Variants in RANBP3 observed in about 807,000 individuals in gnomAD.
RANBP3 encodes ran-binding protein 3.
A neutral mutation model predicts 77.3 loss-of-function variants in RANBP3; 14 were observed. The ratio of observed to expected loss-of-function variants is 0.18; its 90% CI spans 0.12 to 0.28. The LOEUF (loss-of-function observed/expected upper bound fraction) is 0.28, where lower values mean the gene tolerates loss of function less well. Among genes scored for constraint, RANBP3 ranks in the 10% least tolerant of loss-of-function variants. The pLI, the probability that RANBP3 is intolerant of heterozygous loss-of-function variation, is 1.00. For missense variants in RANBP3, 586 were observed against 752.3 expected (o/e 0.78, Z 2.59); for synonymous variants, 315 against 312.4 (o/e 1.01, Z -0.09).
intron 1 of RANBP3, among the ~76,000 whole-genome samples, chr19:5,962,909 A>G (rs2058421905): frequency 6.6e-6 from 1 of 152,118 alleles, no homozygotes; most frequent in Non-Finnish European, 1.5e-5. Flanking sequence ...GATTCTGGCT[A>G]TACCAGTGAG....
chr19:5,925,362 T>C, intron 10 of RANBP3: 1 of 553,120 alleles, frequency 1.8e-6, no homozygotes, highest in South Asian at 2.0e-5. Context: ...GAGGGCACAC[T>C]CCAAGGGCTG....
intron 6 of RANBP3, 32 bp from the exon 7 acceptor site, chr19:5,932,576 G>T (rs79849221): frequency 6.3e-7 from 1 of 1,578,452 alleles, no homozygotes; most frequent in Admixed American, 1.7e-5. Context: ...CCCAGTGCCC[G>T]TGGACCCCTG....
intron 1 of RANBP3, among the ~76,000 whole-genome samples, chr19:5,977,728 C>G (rs1440339503): frequency 6.6e-6 from 1 of 152,212 alleles, no homozygotes; most frequent in Non-Finnish European, 1.5e-5. Context: ...TATTTACATC[C>G]GTGGCCGAAG....
At chr19:5,925,045 G>A (rs2057884122) in intron 10 of RANBP3, 140 bp from the exon 11 acceptor site, 2 of 774,202 alleles carry the variant, frequency 2.6e-6, no homozygotes, top group African/African-American at 1.7e-5. Context: ...TGGCGTGTCA[G>A]AGGCAGGAAG....
At chr19:5,929,583 G>T (rs1296117183) in intron 8 of RANBP3, among the ~76,000 whole-genome samples, 1 of 152,250 alleles carries the variant, frequency 6.6e-6, no homozygotes, top group Admixed American at 6.5e-5. Flanking sequence ...CTCTGTGTGT[G>T]TGTGGGGCGG....
Position 5,928,090 on chromosome 19 carries a change from A to T in RANBP3, c.694-3T>A. ...TCATTTTTCTGGGGCTCTTTCTCCT[A>T]TCAAAAACCAAAACAAAACAGAGTA... is the stretch of plus-strand genomic sequence containing the variant. On this transcript the variant is annotated splice_region_variant and splice_polypyrimidine_tract_variant and intron_variant, in intron 8 of 16. Transcript: ENST00000340578. 6.2e-7 allele frequency: 1 copy of T among 1,606,324 alleles called. No individual in the cohort carries two copies. The highest frequency in any genetic ancestry group is 8.5e-7 in the Non-Finnish European group (1 of 1,177,804).
intron 1 of RANBP3, among the ~76,000 whole-genome samples, chr19:5,973,380 G>A (rs2058552196): frequency 6.6e-6 from 1 of 152,152 alleles, no homozygotes; most frequent in Non-Finnish European, 1.5e-5. Flanking sequence ...TGCCCCCGGG[G>A]GGACACTGGG....
chr19:5,968,279 C>G lies in RANBP3; in HGVS notation c.22+9782G>C, dbSNP rs757512190. 2.0e-5 allele frequency among the ~76,000 whole-genome samples: 3 copies of G among 152,292 alleles called. No individual in the cohort carries two copies. In the East Asian group the frequency reaches 5.8e-4, roughly 29 times the overall value. ...GAGCAAAACTGATGATACTGGAGAGCGCGGGCTCTGGTCTTTGTGTGTGTT... is the reference window on the plus strand; with the variant it reads ...GAGCAAAACTGATGATACTGGAGAGGGCGGGCTCTGGTCTTTGTGTGTGTT... On this transcript the variant is annotated intron_variant, in intron 1 of 16. Coordinates refer to ENST00000340578, the MANE Select transcript of RANBP3 (RefSeq NM_007322.3).
intron 1 of RANBP3, among the ~76,000 whole-genome samples, chr19:5,967,910 G>T (rs993206877): frequency 6.6e-6 from 1 of 152,076 alleles, no homozygotes; most frequent in Non-Finnish European, 1.5e-5. Context: ...CCAGCTACTC[G>T]GGAGGCTGAG....
chr19:5,917,693 C>T (rs1296265325), intron 16 of RANBP3, 40 bp from the exon 17 acceptor site: 2 of 1,599,028 alleles, frequency 1.3e-6, no homozygotes, highest in Non-Finnish European at 8.5e-7. Flanking sequence ...ATGGAGCCCG[C>T]ACTTCCCAGG....
At chr19:5,954,333 T>A (rs781125535) in intron 2 of RANBP3, among the ~76,000 whole-genome samples, 1 of 152,138 alleles carries the variant, frequency 6.6e-6, no homozygotes, top group African/African-American at 2.4e-5. Flanking sequence ...ATAAGTGACA[T>A]CTGAGGGGCA....
intron 1 of RANBP3, among the ~76,000 whole-genome samples, chr19:5,971,538 A>G (rs1413996198): frequency 1.3e-5 from 2 of 152,092 alleles, no homozygotes; most frequent in African/African-American, 2.4e-5. Context: ...AAAAAACTCC[A>G]CTGTCCATTT....
chr19:5,946,468 C>T (rs2058206466), intron 3 of RANBP3, among the ~76,000 whole-genome samples: 1 of 152,176 alleles, frequency 6.6e-6, no homozygotes, highest in Admixed American at 6.5e-5. Context: ...AGTGGGGGGC[C>T]TCTTGGTCCT....
At position 5,917,395 on chromosome 19, in the gene RANBP3, G is replaced by A. The variant is rs1287549133; in HGVS notation, c.*215C>T. On this transcript the variant is annotated 3_prime_UTR_variant, in exon 17 of 17. Coordinates refer to ENST00000340578, the MANE Select transcript of RANBP3 (RefSeq NM_007322.3). The stretch of plus-strand genomic sequence containing the variant: ...AGGGAGGAAATGTTCTTGTTTGTTC[G>A]CTCATCAATATGATGAGGTCTCGTG... 5.6e-6 allele frequency: 3 copies of A among 532,526 alleles called. No homozygotes were observed. The highest frequency in any genetic ancestry group is 2.7e-5 in the South Asian group (1 of 36,846). The allele number at this position is 532,526 out of a possible 1,614,324, so 33.0% of individuals were successfully genotyped here.
intron 2 of RANBP3, among the ~76,000 whole-genome samples, chr19:5,953,803 G>A (rs560514076): frequency 1.3e-5 from 2 of 152,330 alleles, no homozygotes; most frequent in South Asian, 2.1e-4. Flanking sequence ...CCCAGGAAGC[G>A]CAGGCATGGG....
chr19:5,928,102 A>T lies in RANBP3; in HGVS notation c.694-15T>A. 1 of 1,605,102 alleles carries T rather than the reference A, an allele frequency of 6.2e-7. No individual in the cohort carries two copies. Among genetic ancestry groups the T allele is most frequent in the African/African-American group, 1.3e-5 (1 of 74,116 alleles). ...GGCTCTTTCTCCTATCAAAAACCAA[A>T]ACAAAACAGAGTAATCAAAACCAGT... On this transcript the variant is annotated splice_polypyrimidine_tract_variant and intron_variant, in intron 8 of 16. Coordinates refer to ENST00000340578, the MANE Select transcript of RANBP3 (RefSeq NM_007322.3).
At chr19:5,951,032 G>C (rs1008627586) in intron 3 of RANBP3, among the ~76,000 whole-genome samples, 2 of 152,104 alleles carry the variant, frequency 1.3e-5, no homozygotes, top group Non-Finnish European at 2.9e-5. Context: ...CCCGCATTCA[G>C]GGAAACAAGA....
intron 8 of RANBP3, among the ~76,000 whole-genome samples, chr19:5,930,011 G>A (rs2057967596): frequency 6.6e-6 from 1 of 152,228 alleles, no homozygotes; most frequent in African/African-American, 2.4e-5. Context: ...TCCGTCCCCT[G>A]GGATGGGACA....
chr19:5,974,738 A>G (rs1164979015), intron 1 of RANBP3, among the ~76,000 whole-genome samples: 1 of 152,148 alleles, frequency 6.6e-6, no homozygotes, highest in Non-Finnish European at 1.5e-5. Flanking sequence ...CCCTGCCTGC[A>G]CATGAGAATC....
Sources: allele counts gnomAD v4.1 joint callset (sites outside exome capture counted in the v4.1 genomes callset), GRCh38; gene constraint gnomAD v4.1.1; transcripts MANE v1.5; gene names NCBI Gene and HGNC (gene_info 2026-07-23, HGNC 2026-07-21).